Variants in ESRRG observed in about 807,000 individuals in gnomAD.
The protein encoded by ESRRG is estrogen-related receptor gamma.
ESRRG carries 13 observed loss-of-function variants against 44.0 expected under a neutral mutation model. The ratio of observed to expected loss-of-function variants is 0.30; its 90% CI spans 0.19 to 0.47. The LOEUF is 0.47. Among genes scored for constraint, ESRRG ranks in the 20% least tolerant of loss-of-function variants. ESRRG has a pLI of 1.00. For synonymous variants in ESRRG, 215 were observed against 214.6 expected, an observed-to-expected ratio of 1.00 and a Z score of -0.02; for missense variants, 395 against 580.6, an observed-to-expected ratio of 0.68 and a Z score of 3.29.
intron 1 of ESRRG, among the ~76,000 whole-genome samples, chr1:216,685,148 T>C (rs6669376): frequency 0.22 from 33,100 of 152,044 alleles, 3,815 homozygotes; most frequent in Middle Eastern, 0.28. Flanking sequence ...GTAGTACATG[T>C]CCCAGTCTTG....
At chr1:216,887,154 C>T (rs1365667383) in intron 2 of ESRRG, among the ~76,000 whole-genome samples, 2 of 152,150 alleles carry the variant, frequency 1.3e-5, no homozygotes, top group African/African-American at 2.4e-5. Flanking sequence ...AATTTGTCCA[C>T]AGTCATTAAG....
At chr1:216,956,318 C>A (rs2067946027) in intron 1 of ESRRG, among the ~76,000 whole-genome samples, 2 of 152,114 alleles carry the variant, frequency 1.3e-5, no homozygotes, top group Admixed American at 1.3e-4. Context: ...CTTGTGGTTG[C>A]ACAGCCCCAG....
chr1:216,716,936 G>A (rs1572741), intron 1 of ESRRG, among the ~76,000 whole-genome samples: 150,375 of 151,952 alleles, frequency 0.99, 74,429 homozygotes, highest in Middle Eastern at 1. Flanking sequence ...CTGACCAGAA[G>A]GAAGCCAATT....
At chr1:216,667,842 T>A (rs2074299365) in intron 2 of ESRRG, among the ~76,000 whole-genome samples, 1 of 151,984 alleles carries the variant, frequency 6.6e-6, no homozygotes, top group Admixed American at 6.6e-5. Flanking sequence ...CTCACGCTAA[T>A]CCTAGCATTT....
At chr1:216,714,790 A>G (rs1279936417) in intron 1 of ESRRG, among the ~76,000 whole-genome samples, 1 of 152,220 alleles carries the variant, frequency 6.6e-6, no homozygotes, top group Non-Finnish European at 1.5e-5. Flanking sequence ...TCTGTTCTCC[A>G]TTTCTATCTA....
intron 6 of ESRRG, among the ~76,000 whole-genome samples, chr1:216,513,944 C>T (rs952073931): frequency 1.3e-5 from 2 of 152,180 alleles, no homozygotes; most frequent in Middle Eastern, 6.8e-3. Flanking sequence ...TGTAACAGAG[C>T]TCATTATCTT....
chr1:216,960,880 C>T (rs933184617), intron 1 of ESRRG, among the ~76,000 whole-genome samples: 3 of 152,132 alleles, frequency 2.0e-5, no homozygotes, highest in Non-Finnish European at 2.9e-5. Flanking sequence ...CATAAATCAC[C>T]AGGCCTGGCC....
intron 1 of ESRRG, among the ~76,000 whole-genome samples, chr1:217,056,064 T>C (rs1433925041): frequency 6.6e-6 from 1 of 152,130 alleles, no homozygotes; most frequent in Admixed American, 6.6e-5. Flanking sequence ...GTGAAAATTA[T>C]ATTTAACATT....
chr1:216,850,258 T>C (rs938303395), intron 2 of ESRRG, among the ~76,000 whole-genome samples: 6 of 152,160 alleles, frequency 3.9e-5, no homozygotes, highest in African/African-American at 1.4e-4. Flanking sequence ...ATTTGTTAAA[T>C]GACAGCTGAA....
chr1:216,777,244 C>T (rs1011914822), intron 2 of ESRRG, among the ~76,000 whole-genome samples: 5 of 152,074 alleles, frequency 3.3e-5, no homozygotes, highest in Non-Finnish European at 7.4e-5. Context: ...ATCTACTCCT[C>T]CAGCAGTGAG....
chr1:216,672,279 CA>C (rs764593788), intron 2 of ESRRG, among the ~76,000 whole-genome samples: 1 of 152,092 alleles, frequency 6.6e-6, no homozygotes, highest in Non-Finnish European at 1.5e-5. Flanking sequence ...AACAAAACAG[CA>C]AAACTTTGGC....
chr1:216,687,056 T>C (rs975743465), intron 1 of ESRRG, among the ~76,000 whole-genome samples: 1 of 149,382 alleles, frequency 6.7e-6, no homozygotes, highest in African/African-American at 2.6e-5. Context: ...TCTGTGTGTG[T>C]GTGTGTGTGT....
chr1:216,996,081 G>A (rs1480021864), intron 1 of ESRRG, among the ~76,000 whole-genome samples: 1 of 152,086 alleles, frequency 6.6e-6, no homozygotes, highest in East Asian at 1.9e-4. Context: ...AAGAGTTTTA[G>A]GCATGATCCT....
At chr1:216,689,069 G>C (rs1050535301) in intron 1 of ESRRG, among the ~76,000 whole-genome samples, 36 of 152,040 alleles carry the variant, frequency 2.4e-4, no homozygotes, top group Non-Finnish European at 1.3e-4. Context: ...ATAATAACTG[G>C]CATTCGCAAT....
At chr1:217,054,514 T>C (rs1178337907) in intron 1 of ESRRG, among the ~76,000 whole-genome samples, 2 of 152,316 alleles carry the variant, frequency 1.3e-5, no homozygotes, top group South Asian at 2.1e-4. Context: ...ACAATCTTCC[T>C]AGATGTTAGT....
intron 1 of ESRRG, among the ~76,000 whole-genome samples, chr1:216,688,282 C>T (rs1199266289): frequency 1.3e-5 from 2 of 152,154 alleles, no homozygotes; most frequent in Admixed American, 1.3e-4. Flanking sequence ...ATCAAATTCT[C>T]GAAATTGGCT....
At chr1:217,063,007 C>T (rs537829208) in intron 1 of ESRRG, among the ~76,000 whole-genome samples, 1 of 152,172 alleles carries the variant, frequency 6.6e-6, no homozygotes, top group African/African-American at 2.4e-5. Context: ...TTTCTATCTC[C>T]GTTGAGATTT....
At chr1:216,736,022 A>G (rs1410379178) in intron 2 of ESRRG, among the ~76,000 whole-genome samples, 1 of 149,160 alleles carries the variant, frequency 6.7e-6, no homozygotes, top group African/African-American at 2.5e-5. Flanking sequence ...ACATACATAT[A>G]TTTGCTTTCC....
chr1:216,795,819 T>C (rs2094457164), intron 2 of ESRRG, among the ~76,000 whole-genome samples: 1 of 152,110 alleles, frequency 6.6e-6, no homozygotes, highest in African/African-American at 2.4e-5. Flanking sequence ...CCATCTTTGA[T>C]GGAAATAGGA....
Sources: allele counts gnomAD v4.1 joint callset (sites outside exome capture counted in the v4.1 genomes callset), GRCh38; gene constraint gnomAD v4.1.1; transcripts MANE v1.5; gene names NCBI Gene and HGNC (gene_info 2026-07-23, HGNC 2026-07-21).